CEP112: variants seen among roughly 807,000 people sequenced by gnomAD.
CEP112 encodes centrosomal protein 112.
A neutral mutation model predicts 153.0 loss-of-function variants in CEP112; 127 were observed. The ratio of observed to expected loss-of-function variants is 0.83; its 90% confidence interval spans 0.72 to 0.96. The LOEUF (loss-of-function observed/expected upper bound fraction) is 0.96. Among genes scored for constraint, CEP112 ranks in the 40% least tolerant of loss-of-function variants. CEP112 has a pLI of 0.00. For missense variants in CEP112, 1,089 were observed against 1,101.2 expected, an observed-to-expected ratio of 0.99 and a Z score of 0.16; for synonymous variants, 358 against 374.4, an observed-to-expected ratio of 0.96 and a Z score of 0.51.
At chr17:66,032,438 G>A (rs1334909542) in intron 12 of CEP112, among the ~76,000 whole-genome samples, 1 of 152,018 alleles carries the variant, frequency 6.6e-6, no homozygotes, top group Non-Finnish European at 1.5e-5. Flanking sequence ...GTCCAAGGAG[G>A]AGAGCCCCTA....
chr17:66,105,583 C>T (rs1444675264), intron 6 of CEP112, among the ~76,000 whole-genome samples: 1 of 152,110 alleles, frequency 6.6e-6, no homozygotes, highest in Non-Finnish European at 1.5e-5. Context: ...TGCTTGAGCT[C>T]AGCAGTTCAA....
At chr17:66,146,798 T>C (rs1362200100) in intron 4 of CEP112, among the ~76,000 whole-genome samples, 1 of 152,172 alleles carries the variant, frequency 6.6e-6, no homozygotes, top group Non-Finnish European at 1.5e-5. Flanking sequence ...TCACTTAGCA[T>C]AATGTCTTCA....
intron 4 of CEP112, among the ~76,000 whole-genome samples, chr17:66,160,904 C>T (rs1376690670): frequency 6.6e-6 from 1 of 152,020 alleles, no homozygotes; most frequent in Non-Finnish European, 1.5e-5. Flanking sequence ...GAACAGACAA[C>T]CTACAGAATG....
intron 23 of CEP112, among the ~76,000 whole-genome samples, chr17:65,705,856 A>G (rs2048887765): frequency 6.6e-6 from 1 of 152,244 alleles, no homozygotes; most frequent in South Asian, 2.1e-4. Flanking sequence ...ATTAGATGAT[A>G]CTAAAAGATA....
At chr17:66,070,703 A>G (rs975948284) in intron 8 of CEP112, among the ~76,000 whole-genome samples, 4 of 152,200 alleles carry the variant, frequency 2.6e-5, no homozygotes. Flanking sequence ...AAAGAGCAAT[A>G]GTGACAGGTT....
intron 21 of CEP112, among the ~76,000 whole-genome samples, chr17:65,835,396 G>A (rs1031858374): frequency 1.3e-5 from 2 of 152,054 alleles, no homozygotes; most frequent in African/African-American, 4.8e-5. Context: ...AATCCCCAAG[G>A]CACACACTAA....
chr17:65,828,079 C>G (rs1171667599), intron 21 of CEP112, among the ~76,000 whole-genome samples: 1 of 152,204 alleles, frequency 6.6e-6, no homozygotes, highest in East Asian at 1.9e-4. Flanking sequence ...AGAATGAGCT[C>G]TGAGGGGACA....
At chr17:65,651,033 A>G (rs2143605627) in intron 24 of CEP112, among the ~76,000 whole-genome samples, 1 of 152,262 alleles carries the variant, frequency 6.6e-6, no homozygotes, top group Non-Finnish European at 1.5e-5. Flanking sequence ...GGTGCAAACC[A>G]TCACCTGAGC....
At chr17:65,759,361 G>A (rs986108035) in intron 21 of CEP112, among the ~76,000 whole-genome samples, 6 of 151,864 alleles carry the variant, frequency 4.0e-5, no homozygotes, top group African/African-American at 9.7e-5. Flanking sequence ...TCTTTCTTGC[G>A]CGAGATCCAA....
At chr17:66,119,043 G>A (rs2069443583) in intron 6 of CEP112, among the ~76,000 whole-genome samples, 1 of 152,112 alleles carries the variant, frequency 6.6e-6, no homozygotes, top group African/African-American at 2.4e-5. Context: ...TGTCTTTGCA[G>A]GGACATGGAT....
intron 20 of CEP112, among the ~76,000 whole-genome samples, chr17:65,901,382 T>C (rs2059841915): frequency 6.6e-6 from 1 of 152,216 alleles, no homozygotes; most frequent in Non-Finnish European, 1.5e-5. Context: ...CTCAAGAGGA[T>C]ACACTAAAGG....
chr17:65,689,081 G>T, intron 24 of CEP112, 48 bp downstream of exon 24: 2 of 1,367,026 alleles, frequency 1.5e-6, no homozygotes, highest in South Asian at 1.2e-5. Flanking sequence ...CACACTTCTT[G>T]ACCTAGAGAA....
At chr17:65,959,795 G>A (rs1424640187) in intron 18 of CEP112, among the ~76,000 whole-genome samples, 1 of 152,236 alleles carries the variant, frequency 6.6e-6, no homozygotes, top group South Asian at 2.1e-4. Context: ...ATACCTGACT[G>A]CACAGCGGCC....
At chr17:66,029,078 G>C (rs889319237) in intron 14 of CEP112, 45 bp downstream of exon 14, 1 of 1,459,878 alleles carries the variant, frequency 6.8e-7, no homozygotes, top group Non-Finnish European at 9.4e-7. Context: ...TCTAGGCTTA[G>C]TGAATAAATA....
intron 16 of CEP112, among the ~76,000 whole-genome samples, chr17:66,007,631 A>C (rs1568370348): frequency 6.6e-6 from 1 of 152,216 alleles, no homozygotes; most frequent in African/African-American, 2.4e-5. Context: ...AAGATCCTGG[A>C]AACATGTTTT....
intron 11 of CEP112, among the ~76,000 whole-genome samples, chr17:66,058,629 C>T (rs1181309610): frequency 2.6e-5 from 4 of 152,006 alleles, no homozygotes; most frequent in Admixed American, 6.6e-5. Context: ...GCAGGAGGAT[C>T]GCTTGAGGTC....
chr17:65,822,746 T>C lies in CEP112; in HGVS notation c.2394+29058A>G, dbSNP rs558860959. Among the ~76,000 whole-genome samples, 14 of 152,190 alleles carry C rather than the reference T, an allele frequency of 9.2e-5. No individual in the cohort carries two copies. The East Asian group carries it at 2.3e-3, about 25-fold the overall frequency. On this transcript the variant is annotated intron_variant, in intron 21 of 26. Transcript: ENST00000535342. ...TAATAACATATACCACTGTGAAAAA[T>C]AAAATATGTTGACATATGTGGCATA...
intron 20 of CEP112, among the ~76,000 whole-genome samples, chr17:65,857,519 T>C (rs9898727): frequency 0.86 from 131,373 of 152,172 alleles, 56,977 homozygotes; most frequent in East Asian, 0.95. Flanking sequence ...GGACTACAGG[T>C]GTAAGCCACC....
At chr17:66,100,820 A>G (rs1360147255) in intron 6 of CEP112, among the ~76,000 whole-genome samples, 1 of 152,166 alleles carries the variant, frequency 6.6e-6, no homozygotes, top group Non-Finnish European at 1.5e-5. Context: ...ATAATTAGAA[A>G]ACAAGAAAAC....
Sources: gnomAD v4.1 joint callset for allele counts (sites outside exome capture counted in the v4.1 genomes callset) on GRCh38, gnomAD v4.1.1 for gene constraint, MANE v1.5 for transcripts, NCBI Gene and HGNC (gene_info 2026-07-23, HGNC 2026-07-21) for gene names.